CSMD1: variants seen among roughly 807,000 people sequenced by gnomAD.
CSMD1 encodes CUB and Sushi multiple domains 1.
CSMD1 carries 213 observed loss-of-function variants against 417.5 expected under a neutral mutation model. The observed-to-expected ratio is 0.51, with a 90% CI of 0.46 to 0.57. The LOEUF is 0.57. Ranked by LOEUF, CSMD1 falls within the 20% of genes least tolerant of loss-of-function variation. CSMD1 has a pLI of 0.00. For synonymous variants in CSMD1, 2,862 were observed against 1,736.8 expected, an observed-to-expected ratio of 1.65 and a Z score of -16.11; for missense variants, 6,923 against 4,529.7, an observed-to-expected ratio of 1.53 and a Z score of -15.17.
At chr8:4,738,903 T>TTGTGTGTGTGTGTCTG (rs1554464182) in intron 1 of CSMD1, among the ~76,000 whole-genome samples, 27 of 147,396 alleles carry the variant, frequency 1.8e-4, no homozygotes, top group Non-Finnish European at 2.7e-4. Context: ...TTCTGTGTGT[T>TTGTGTGTGTGTGTCTG]TGTGTGTGTG....
At chr8:4,162,048 C>G (rs1797204706) in intron 3 of CSMD1, among the ~76,000 whole-genome samples, 1 of 152,170 alleles carries the variant, frequency 6.6e-6, no homozygotes, top group Non-Finnish European at 1.5e-5. Context: ...AGCAATTTCC[C>G]TTAATGTCAA....
Position 3,427,726 on chromosome 8 carries a change from G to C in CSMD1, c.1562-18121C>G, listed in dbSNP as rs1181567771. Among the ~76,000 whole-genome samples, 6 of 152,102 alleles carry C rather than the reference G, an allele frequency of 3.9e-5. No individual in the cohort carries two copies. In the East Asian group the frequency reaches 7.7e-4, roughly 20 times the overall value. On this transcript the variant is annotated intron_variant, in intron 12 of 69. Transcript: ENST00000635120. ...TTTCAAATTCCATGGAAATGTAAAA[G>C]TAACTATTTAATTTAATCAGGCTAA... is the stretch of plus-strand genomic sequence containing the variant.
At chr8:4,679,333 T>C (rs942989834) in intron 1 of CSMD1, among the ~76,000 whole-genome samples, 1 of 152,214 alleles carries the variant, frequency 6.6e-6, no homozygotes, top group South Asian at 2.1e-4. Flanking sequence ...CTGCCCATTT[T>C]TGATAAACAA....
chr8:3,199,372 C>A (rs1867045), intron 33 of CSMD1, among the ~76,000 whole-genome samples: 78,109 of 151,692 alleles, frequency 0.51, 20,844 homozygotes, highest in Non-Finnish European at 0.6. Flanking sequence ...ACTAAGATCT[C>A]AACTATTTCA....
chr8:3,819,897 A>G (rs1477552663), intron 5 of CSMD1, among the ~76,000 whole-genome samples: 9 of 152,170 alleles, frequency 5.9e-5, no homozygotes, highest in African/African-American at 9.7e-5. Context: ...CCAGAGTGCT[A>G]TAATAGAGGC....
intron 25 of CSMD1, among the ~76,000 whole-genome samples, chr8:3,291,449 C>A (rs1473641691): frequency 6.6e-6 from 1 of 152,138 alleles, no homozygotes; most frequent in Non-Finnish European, 1.5e-5. Flanking sequence ...GTGAATCCAT[C>A]TGGTCCTCGA....
intron 5 of CSMD1, among the ~76,000 whole-genome samples, chr8:3,845,190 G>A (rs149266360): frequency 6.6e-6 from 1 of 152,170 alleles, no homozygotes; most frequent in Non-Finnish European, 1.5e-5. Context: ...CATACCGTTA[G>A]GAAAATAGTG....
At chr8:4,970,315 T>C (rs1293398225) in intron 1 of CSMD1, among the ~76,000 whole-genome samples, 1 of 152,074 alleles carries the variant, frequency 6.6e-6, no homozygotes, top group African/African-American at 2.4e-5. Flanking sequence ...AATAAGTAAA[T>C]GTGGCAAGGG....
In CSMD1 at chr8:4,687,088, A is replaced by C. The variant is rs527378201; in HGVS notation, c.86-49530T>G. Among the ~76,000 whole-genome samples, 84 of 152,314 alleles carry C rather than the reference A, an allele frequency of 5.5e-4. No homozygotes were observed. The East Asian group carries it at 0.014, about 25-fold the overall frequency. ...GCTTCAGGCGAGCCGGCCCCTGTGC[A>C]GGCTAACTCTGTGGTCGATAAAAGC... On this transcript the variant is annotated intron_variant, in intron 1 of 69. Coordinates refer to ENST00000635120, the MANE Select transcript of CSMD1 (RefSeq NM_033225.6).
chr8:4,732,600 C>T (rs968673164), intron 1 of CSMD1, among the ~76,000 whole-genome samples: 1 of 152,034 alleles, frequency 6.6e-6, no homozygotes, highest in Non-Finnish European at 1.5e-5. Context: ...TTCATGACCA[C>T]CCCAGACAGC....
At chr8:3,559,040 A>T (rs765318771) in intron 10 of CSMD1, among the ~76,000 whole-genome samples, 1 of 152,234 alleles carries the variant, frequency 6.6e-6, no homozygotes, top group Non-Finnish European at 1.5e-5. Context: ...GATTGGTGAC[A>T]TGTAAAGGAC....
intron 33 of CSMD1, 128 bp from the exon 34 acceptor site, chr8:3,190,243 C>G: frequency 1.6e-6 from 1 of 620,628 alleles, no homozygotes; most frequent in Non-Finnish European, 2.7e-6. Flanking sequence ...ACGACTCCAA[C>G]AATCGCTATA....
At chr8:4,454,196 A>G (rs1050739171) in intron 2 of CSMD1, among the ~76,000 whole-genome samples, 3 of 152,126 alleles carry the variant, frequency 2.0e-5, no homozygotes, top group East Asian at 1.9e-4. Context: ...ATTCTGCATT[A>G]AAACTCCGTG....
intron 3 of CSMD1, among the ~76,000 whole-genome samples, chr8:4,269,191 G>A (rs1333546220): frequency 6.6e-6 from 1 of 151,968 alleles, no homozygotes; most frequent in East Asian, 1.9e-4. Flanking sequence ...CTAGTAGCTG[G>A]GACTACAGAC....
At chr8:4,047,267 T>C (rs1798195628) in intron 3 of CSMD1, among the ~76,000 whole-genome samples, 1 of 152,096 alleles carries the variant, frequency 6.6e-6, no homozygotes, top group Non-Finnish European at 1.5e-5. Flanking sequence ...GCACATGTAT[T>C]CTGGAGTGGG....
intron 5 of CSMD1, among the ~76,000 whole-genome samples, chr8:3,910,954 G>A (rs1333813777): frequency 2.6e-5 from 4 of 152,276 alleles, no homozygotes; most frequent in African/African-American, 4.8e-5. Context: ...GACCAGGAAC[G>A]CTTTCTTGGG....
intron 2 of CSMD1, among the ~76,000 whole-genome samples, chr8:4,446,272 G>C (rs181327157): frequency 1.8e-3 from 267 of 152,312 alleles, no homozygotes; most frequent in African/African-American, 6.1e-3. Context: ...ACCCAGCTGG[G>C]AGTGGTGGCT....
chr8:3,272,210 T>C (rs1187117220), intron 26 of CSMD1, among the ~76,000 whole-genome samples: 4 of 147,426 alleles, frequency 2.7e-5, no homozygotes, highest in Admixed American at 2.0e-4. Flanking sequence ...TTGCTTGTTT[T>C]ACTCAGGTTT....
At chr8:3,387,458 C>A (rs553553378) in intron 18 of CSMD1, 36 bp downstream of exon 18, 3 of 1,548,010 alleles carry the variant, frequency 1.9e-6, no homozygotes, top group Non-Finnish European at 2.6e-6. Flanking sequence ...TCTCTGCACA[C>A]CCTGCTGGTG....
Sources: gnomAD v4.1 joint callset for allele counts (sites outside exome capture counted in the v4.1 genomes callset) on GRCh38, gnomAD v4.1.1 for gene constraint, MANE v1.5 for transcripts, NCBI Gene and HGNC (gene_info 2026-07-23, HGNC 2026-07-21) for gene names.